TRAF1: variants seen among roughly 807,000 people sequenced by gnomAD.
The protein encoded by TRAF1 is TNF receptor associated factor 1.
TRAF1 carries 23 observed loss-of-function variants against 40.9 expected under a neutral mutation model. That is an observed-to-expected ratio of 0.56 (90% CI 0.40 to 0.80). TRAF1 has a LOEUF of 0.80. TRAF1 is among the 30% of genes least tolerant of loss of function. The pLI, the probability that TRAF1 is intolerant of heterozygous loss-of-function variation, is 0.00. For missense variants in TRAF1, 477 were observed against 528.7 expected, an observed-to-expected ratio of 0.90 and a Z score of 0.96; for synonymous variants, 206 against 218.8, an observed-to-expected ratio of 0.94 and a Z score of 0.52.
At chr9:120,915,808 T>C (rs1470881787) in intron 3 of TRAF1, among the ~76,000 whole-genome samples, 1 of 152,086 alleles carries the variant, frequency 6.6e-6, no homozygotes, top group Non-Finnish European at 1.5e-5. Flanking sequence ...TACTCCAGCC[T>C]GGGTAGCAGA....
chr9:120,925,174 A>G (rs1489046465), intron 2 of TRAF1, among the ~76,000 whole-genome samples: 2 of 152,240 alleles, frequency 1.3e-5, no homozygotes, highest in Admixed American at 6.5e-5. Flanking sequence ...AGGTCATCAC[A>G]TGAGATAGTT....
chr9:120,924,729 T>C (rs1260718132), intron 2 of TRAF1, among the ~76,000 whole-genome samples: 1 of 152,244 alleles, frequency 6.6e-6, no homozygotes, highest in Non-Finnish European at 1.5e-5. Context: ...ACTGTGTTTT[T>C]ACAAAGCTCC....
chr9:120,919,381 T>TG (rs1588152181), intron 3 of TRAF1, among the ~76,000 whole-genome samples: 2 of 152,256 alleles, frequency 1.3e-5, no homozygotes, highest in East Asian at 3.9e-4. Context: ...CCCTTTGTGG[T>TG]GGGGTCACAG....
chr9:120,921,970 T>C (rs927402333), intron 3 of TRAF1, among the ~76,000 whole-genome samples: 1 of 152,184 alleles, frequency 6.6e-6, no homozygotes, highest in African/African-American at 2.4e-5. Context: ...CTTAATATCC[T>C]CATTTTACAG....
rs2046509499 is a variant in TRAF1 at position 120,909,456 on chromosome 9, G to A, written c.884-78C>T. The A allele has an allele frequency of 6.5e-6, 10 of 1,548,664 alleles. No homozygotes were observed. The South Asian group carries it at 1.1e-4, about 16-fold the overall frequency. ...GGACTGGGATCCAGTGGTCAGGCAT[G>A]CCCAAGGTCAGCGGCTCAAAACCAT... On this transcript the variant is annotated intron_variant, in intron 6 of 7. Coordinates refer to ENST00000373887, the MANE Select transcript of TRAF1 (RefSeq NM_005658.5).
At chr9:120,911,752 G>A (rs1481681128) in intron 5 of TRAF1, among the ~76,000 whole-genome samples, 1 of 152,150 alleles carries the variant, frequency 6.6e-6, no homozygotes, top group Non-Finnish European at 1.5e-5. Context: ...TAGCTTAGCT[G>A]CTCTCTTTCA....
rs201090941 is a variant in TRAF1 at position 120,909,181 on chromosome 9, T to G, written c.1032+49A>C. 6 of 1,593,012 alleles carry G rather than the reference T, an allele frequency of 3.8e-6. No homozygotes were observed. In the African/African-American group the frequency reaches 8.1e-5, roughly 21 times the overall value. On this transcript the variant is annotated intron_variant, in intron 7 of 7. Coordinates refer to ENST00000373887, the MANE Select transcript of TRAF1 (RefSeq NM_005658.5). ...TTCATTGCCAAACCAGGACTAGGAC[T>G]CAGGCTTCCATGCTCCCCACCTTAC...
intron 7 of TRAF1, 24 bp downstream of exon 7, chr9:120,909,205 AC>A: frequency 6.2e-7 from 1 of 1,609,868 alleles, no homozygotes; most frequent in Non-Finnish European, 8.5e-7. Flanking sequence ...TCCCCACCTT[AC>A]CCCCATCACC....
chr9:120,916,712 C>T (rs1206757954), intron 3 of TRAF1, among the ~76,000 whole-genome samples: 14 of 136,472 alleles, frequency 1.0e-4, no homozygotes, highest in Non-Finnish European at 1.8e-4. Flanking sequence ...CTGCCCAGGG[C>T]TTCAGGGACA....
At chr9:120,911,153 G>A (rs761718760) in intron 6 of TRAF1, among the ~76,000 whole-genome samples, 183 bp downstream of exon 6, 6 of 152,254 alleles carry the variant, frequency 3.9e-5, no homozygotes, top group South Asian at 2.1e-4. Context: ...GGCAGAGCAC[G>A]GTTCACCCAC....
In TRAF1 at chr9:120,904,774, C is replaced by T. The variant is rs963905897; in HGVS notation, c.*246G>A. On this transcript the variant is annotated 3_prime_UTR_variant, in exon 8 of 8. Transcript: ENST00000373887. ...GTGGCTCACTGGCCTCCCAGTGTCG[C>T]ATGGTCCGTGCAGAGGGGAGCAGCT... The T allele has an allele frequency of 1.9e-6, 1 of 538,124 alleles. No individual in the cohort carries two copies. The highest frequency in any genetic ancestry group is 3.3e-6 in the Non-Finnish European group (1 of 300,010). The allele number at this position is 538,124 out of a possible 1,614,324, so 33.3% of individuals were successfully genotyped here.
At chr9:120,909,502 A>G in intron 6 of TRAF1, 124 bp from the exon 7 acceptor site, 1 of 1,166,746 alleles carries the variant, frequency 8.6e-7, no homozygotes, top group Non-Finnish European at 1.2e-6. Flanking sequence ...GTTAGAACCC[A>G]GCATTCTTCT....
Position 120,905,008 on chromosome 9 carries a change from G to T in TRAF1, c.*12C>A. 1 of 1,609,664 alleles carries T rather than the reference G, an allele frequency of 6.2e-7. No individual in the cohort carries two copies. Among genetic ancestry groups the T allele is most frequent in the Non-Finnish European group, 8.5e-7 (1 of 1,178,368 alleles). ...CTTCTGAGTTGGAGCTCCCTCAGGAGCCCCGCCCACCCTAAGTGCTGGTCT... is the reference window on the plus strand; with the variant it reads ...CTTCTGAGTTGGAGCTCCCTCAGGATCCCCGCCCACCCTAAGTGCTGGTCT... On this transcript the variant is annotated 3_prime_UTR_variant, in exon 8 of 8. Transcript: ENST00000373887.
chr9:120,921,030 C>T (rs972402934), intron 3 of TRAF1, among the ~76,000 whole-genome samples: 3 of 152,120 alleles, frequency 2.0e-5, no homozygotes, highest in African/African-American at 4.8e-5. Context: ...CTTACCGCCC[C>T]TCCCCACCCC....
intron 6 of TRAF1, 143 bp downstream of exon 6, chr9:120,911,193 C>T (rs2046523469): frequency 1.1e-6 from 1 of 945,556 alleles, no homozygotes; most frequent in African/African-American, 1.7e-5. Flanking sequence ...TGGTTCCTGC[C>T]CATGGTGAGT....
In TRAF1 at chr9:120,911,552, G is replaced by A. The variant is rs187952339; in HGVS notation, c.706-39C>T. 8.3e-5 allele frequency: 132 copies of A among 1,590,196 alleles called. 1 individual carries two copies. The South Asian group carries it at 1.1e-3, about 13-fold the overall frequency. On this transcript the variant is annotated intron_variant, in intron 5 of 7. Coordinates refer to ENST00000373887, the MANE Select transcript of TRAF1 (RefSeq NM_005658.5). ...TGTTCAGCCAGGAACACCAGAACCC[G>A]GCTTGGGGATGGGATGGGAATGGCG...
At chr9:120,927,629 T>C (rs1397846809), upstream of TRAF1, 2 of 152,112 alleles carry the variant, frequency 1.3e-5, no homozygotes, top group African/African-American at 2.4e-5. Context: ...GTCTATCTAC[T>C]GGAGCCTCAA....
chr9:120,911,040 A>T (rs1047924680), intron 6 of TRAF1, among the ~76,000 whole-genome samples: 6 of 152,234 alleles, frequency 3.9e-5, no homozygotes, highest in Non-Finnish European at 8.8e-5. Flanking sequence ...AGTGGGTAAC[A>T]GTTTTGATTC....
chr9:120,909,197 C>T lies in TRAF1; in HGVS notation c.1032+33G>A, dbSNP rs531083712. The T allele has an allele frequency of 1.2e-5, 19 of 1,605,160 alleles. No homozygotes were observed. In the East Asian group the frequency reaches 4.3e-4, roughly 36 times the overall value. ...GACTAGGACTCAGGCTTCCATGCTC[C>T]CCACCTTACCCCCATCACCTTCACA... is the stretch of plus-strand genomic sequence containing the variant. On this transcript the variant is annotated intron_variant, in intron 7 of 7. Transcript: ENST00000373887.
Sources: gnomAD v4.1 joint callset for allele counts (sites outside exome capture counted in the v4.1 genomes callset) on GRCh38, gnomAD v4.1.1 for gene constraint, MANE v1.5 for transcripts, NCBI Gene and HGNC (gene_info 2026-07-23, HGNC 2026-07-21) for gene names.